Variants in CTXND1 observed in about 807,000 individuals in gnomAD.
The protein encoded by CTXND1 is cortexin domain-containing 1 protein.
Position 80,224,942 on chromosome 15 carries a change from C to T in CTXND1, c.-217-21202G>A, listed in dbSNP as rs1893357042. ...TATTTTCAGTAAAGACCAGGTTTCG[C>T]CATGTTGGCCAGGCTGGTCTCAAAC... is the stretch of plus-strand genomic sequence containing the variant. On this transcript the variant is annotated intron_variant, in intron 1 of 2. Coordinates refer to ENST00000560778, the MANE Select transcript of CTXND1 (RefSeq NM_001352888.2). Among the ~76,000 whole-genome samples, 10 of 152,338 alleles carry T rather than the reference C, an allele frequency of 6.6e-5. No individual in the cohort carries two copies. The South Asian group carries it at 2.1e-3, about 32-fold the overall frequency.
intron 1 of CTXND1, among the ~76,000 whole-genome samples, chr15:80,205,516 T>A (rs926893849): frequency 6.6e-6 from 1 of 152,222 alleles, no homozygotes; most frequent in Non-Finnish European, 1.5e-5. Context: ...ATAGAACTGA[T>A]ATTTATGGGT....
intron 1 of CTXND1, among the ~76,000 whole-genome samples, chr15:80,205,996 A>G (rs1893143897): frequency 6.6e-6 from 1 of 152,250 alleles, no homozygotes; most frequent in South Asian, 2.1e-4. Context: ...ACAACATCTT[A>G]TAGCAAACAT....
At chr15:80,203,787 C>A (rs1893113335) in intron 1 of CTXND1, 47 bp from the exon 2 acceptor site, 1 of 152,124 alleles carries the variant, frequency 6.6e-6, no homozygotes, top group Admixed American at 6.6e-5. Context: ...CTGAGATGCC[C>A]AGCCCCAGAT....
intron 1 of CTXND1, among the ~76,000 whole-genome samples, chr15:80,237,673 C>G (rs28880953): frequency 6.6e-6 from 1 of 152,002 alleles, no homozygotes; most frequent in African/African-American, 2.4e-5. Context: ...ATTTTGTACA[C>G]TATGTTTGTG....
At chr15:80,236,777 G>A (rs1289216609) in intron 1 of CTXND1, among the ~76,000 whole-genome samples, 1 of 113,512 alleles carries the variant, frequency 8.8e-6, no homozygotes. Context: ...AACAGGACTC[G>A]GTCTAAAAAA....
intron 1 of CTXND1, among the ~76,000 whole-genome samples, chr15:80,249,645 T>C (rs1893671735): frequency 6.6e-6 from 1 of 152,250 alleles, no homozygotes; most frequent in African/African-American, 2.4e-5. Flanking sequence ...TCTGACTTAG[T>C]GGCAGAGCCA....
intron 1 of CTXND1, among the ~76,000 whole-genome samples, chr15:80,224,551 A>T (rs72740091): frequency 0.14 from 21,670 of 152,120 alleles, 1,887 homozygotes; most frequent in Non-Finnish European, 0.2. Flanking sequence ...GGCCCTTTGC[A>T]TTTCCGTATA....
At chr15:80,243,286 G>T (rs904713223) in intron 1 of CTXND1, among the ~76,000 whole-genome samples, 1 of 152,214 alleles carries the variant, frequency 6.6e-6, no homozygotes, top group African/African-American at 2.4e-5. Flanking sequence ...CAAGCCTGGG[G>T]TATGGTGTAA....
rs544715371 is a variant in CTXND1, at chr15:80,236,030, G to A, written c.-218+15977C>T. Among the ~76,000 whole-genome samples, 158 of 146,310 alleles carry A rather than the reference G, an allele frequency of 1.1e-3. 1 individual carries two copies. Among genetic ancestry groups the A allele is most frequent in the Middle Eastern group, 3.4e-3 (1 of 290 alleles). On this transcript the variant is annotated intron_variant, in intron 1 of 2. Coordinates refer to ENST00000560778, the MANE Select transcript of CTXND1 (RefSeq NM_001352888.2). ...CTGGGAACCATACTAGATCCTGCAA[G>A]TTCAAACTCTTAGCACCACATTTCC...
chr15:80,211,980 T>G (rs1893208609), intron 1 of CTXND1, among the ~76,000 whole-genome samples: 1 of 152,222 alleles, frequency 6.6e-6, no homozygotes, highest in African/African-American at 2.4e-5. Context: ...CTACTAGAGC[T>G]GCTTCACCCA....
At chr15:80,242,829 C>T (rs182856089) in intron 1 of CTXND1, among the ~76,000 whole-genome samples, 8 of 152,292 alleles carry the variant, frequency 5.3e-5, no homozygotes, top group Admixed American at 5.2e-4. Context: ...TTTTCACAGC[C>T]TCCACCACTC....
At chr15:80,202,256 G>A (rs1316718812) in intron 2 of CTXND1, among the ~76,000 whole-genome samples, 1 of 152,088 alleles carries the variant, frequency 6.6e-6, no homozygotes, top group Non-Finnish European at 1.5e-5. Flanking sequence ...CCAGACTGGG[G>A]CAGGGGAGGT....
At chr15:80,238,569 C>G (rs1371901262) in intron 1 of CTXND1, among the ~76,000 whole-genome samples, 1 of 151,178 alleles carries the variant, frequency 6.6e-6, no homozygotes, top group Non-Finnish European at 1.5e-5. Context: ...ACTGCAAGCT[C>G]CACCTCCCAG....
chr15:80,247,634 A>C (rs1893648140), intron 1 of CTXND1, among the ~76,000 whole-genome samples: 1 of 152,122 alleles, frequency 6.6e-6, no homozygotes, highest in Admixed American at 6.5e-5. Context: ...AGAAACCAGA[A>C]AAACTGCTGA....
intron 1 of CTXND1, among the ~76,000 whole-genome samples, chr15:80,212,428 G>A (rs1893211760): frequency 6.6e-6 from 1 of 152,196 alleles, no homozygotes; most frequent in African/African-American, 2.4e-5. Context: ...GATATTCAAT[G>A]TTAAATCAGA....
intron 1 of CTXND1, among the ~76,000 whole-genome samples, chr15:80,242,005 G>A (rs1300096472): frequency 7.2e-5 from 11 of 152,210 alleles, no homozygotes; most frequent in Admixed American, 7.2e-4. Flanking sequence ...AGAGCAGTGA[G>A]CATTCCTGTT....
chr15:80,227,512 G>C (rs947854692), intron 1 of CTXND1, among the ~76,000 whole-genome samples: 3 of 148,750 alleles, frequency 2.0e-5, no homozygotes, highest in African/African-American at 7.3e-5. Context: ...TGGAGATATT[G>C]TGGGTTCGGT....
At chr15:80,223,905 T>C (rs1218827888) in intron 1 of CTXND1, among the ~76,000 whole-genome samples, 2 of 152,044 alleles carry the variant, frequency 1.3e-5, no homozygotes, top group Non-Finnish European at 2.9e-5. Flanking sequence ...TTTGAAGAGG[T>C]TGAGTCCATG....
At chr15:80,245,841 T>C (rs930955925) in intron 1 of CTXND1, among the ~76,000 whole-genome samples, 3 of 152,180 alleles carry the variant, frequency 2.0e-5, no homozygotes, top group African/African-American at 7.2e-5. Flanking sequence ...CGATCTTTCC[T>C]GGCCAGCCCC....
Sources: allele counts gnomAD v4.1 joint callset (sites outside exome capture counted in the v4.1 genomes callset), GRCh38; gene constraint gnomAD v4.1.1; transcripts MANE v1.5; gene names NCBI Gene and HGNC (gene_info 2026-07-23, HGNC 2026-07-21).